LPP: variants seen among roughly 807,000 people sequenced by gnomAD.
LPP encodes the protein LIM domain containing preferred translocation partner in lipoma.
In LPP, 38 loss-of-function variants were observed where a neutral mutation model predicts 60.4. The observed-to-expected ratio is 0.63, with a 90% CI of 0.49 to 0.83. The LOEUF (loss-of-function observed/expected upper bound fraction) is 0.83. Ranked by LOEUF, LPP falls within the 40% of genes least tolerant of loss-of-function variation. LPP has a pLI of 0.00. For synonymous variants in LPP, 328 were observed against 290.8 expected (o/e 1.13, Z -1.30); for missense variants, 902 against 783.6 (o/e 1.15, Z -1.80).
intron 4 of LPP, among the ~76,000 whole-genome samples, chr3:188,444,988 C>G (rs901768414): frequency 2.0e-5 from 3 of 152,174 alleles, no homozygotes; most frequent in Non-Finnish European, 4.4e-5. Context: ...CAGGAAACAA[C>G]AGATGCTGGA....
intron 4 of LPP, among the ~76,000 whole-genome samples, chr3:188,461,219 A>T (rs753671720): frequency 1.3e-5 from 2 of 152,194 alleles, no homozygotes; most frequent in Non-Finnish European, 2.9e-5. Context: ...ACCCCTAAGG[A>T]TATCAAGATG....
intron 7 of LPP, among the ~76,000 whole-genome samples, chr3:188,672,324 A>AAGAAAGTG: frequency 6.6e-6 from 1 of 152,148 alleles, no homozygotes; most frequent in East Asian, 1.9e-4. Flanking sequence ...AAGTTCATGA[A>AAGAAAGTG]AGAAAGTGAA....
chr3:188,696,810 A>T (rs1863338521), intron 7 of LPP, among the ~76,000 whole-genome samples: 1 of 152,132 alleles, frequency 6.6e-6, no homozygotes, highest in Middle Eastern at 3.4e-3. Context: ...TCCTTCATAT[A>T]CCTTGATTTC....
At chr3:188,313,615 T>G (rs1754160213) in intron 2 of LPP, among the ~76,000 whole-genome samples, 1 of 149,298 alleles carries the variant, frequency 6.7e-6, no homozygotes. Context: ...CCAGCCTGGG[T>G]GACAGAGTGA....
chr3:188,556,799 G>A (rs1829590181), intron 6 of LPP, among the ~76,000 whole-genome samples: 1 of 151,542 alleles, frequency 6.6e-6, no homozygotes, highest in Non-Finnish European at 1.5e-5. Context: ...TGAATGCCCT[G>A]GTGATTGATT....
intron 7 of LPP, among the ~76,000 whole-genome samples, chr3:188,683,870 A>G (rs1301940392): frequency 6.6e-6 from 1 of 152,238 alleles, no homozygotes; most frequent in Non-Finnish European, 1.5e-5. Flanking sequence ...CACATTATGC[A>G]TACAATTTAC....
At position 188,706,185 on chromosome 3, in the gene LPP, A is replaced by G. The variant is rs371496369; in HGVS notation, c.1114-2082A>G. Among the ~76,000 whole-genome samples the G allele has an allele frequency of 9.2e-5, 14 of 152,326 alleles. 1 individual carries two copies. Among genetic ancestry groups the G allele is most frequent in the East Asian group, 3.9e-4 (2 of 5,186 alleles). The stretch of plus-strand genomic sequence containing the variant: ...GTTTAACCTTTAATGTTTGCTAATA[A>G]ATAAGTCAGTCAAGGATGAGCTCTT... On this transcript the variant is annotated intron_variant, in intron 7 of 11. Transcript: ENST00000617246.
At chr3:188,863,009 C>A (rs1408885933) in intron 9 of LPP, among the ~76,000 whole-genome samples, 1 of 152,036 alleles carries the variant, frequency 6.6e-6, no homozygotes, top group African/African-American at 2.4e-5. Flanking sequence ...ATGATCCTTA[C>A]AATTTTACCA....
At position 188,154,203 on chromosome 3, in the gene LPP, G is replaced by GCCGCCA; in HGVS notation, c.-234_-233insACCGCC. ...TCCGCCTCCAGCCGCCGCCGCCGCC[G>GCCGCCA]CCGCCGCCGCCACCACCACCGCCGC... On this transcript the variant is annotated 5_prime_UTR_variant, in exon 1 of 12. Transcript: ENST00000617246. 1 of 222,452 alleles carries GCCGCCA rather than the reference G, an allele frequency of 4.5e-6. No homozygotes were observed. The highest frequency in any genetic ancestry group is 8.7e-6 in the Non-Finnish European group (1 of 115,188). The allele number at this position is 222,452 out of a possible 1,614,324, so 13.8% of individuals were successfully genotyped here.
intron 7 of LPP, among the ~76,000 whole-genome samples, chr3:188,686,697 G>A (rs1445833096): frequency 6.6e-6 from 1 of 152,136 alleles, no homozygotes; most frequent in Non-Finnish European, 1.5e-5. Context: ...CCAAGACTAA[G>A]AATCTATGAT....
chr3:188,203,964 A>G (rs2149129310), intron 1 of LPP, among the ~76,000 whole-genome samples: 1 of 152,292 alleles, frequency 6.6e-6, no homozygotes, highest in South Asian at 2.1e-4. Flanking sequence ...TGTTGACTAC[A>G]AAGAGCTACA....
At chr3:188,357,582 A>T (rs1041429261) in intron 3 of LPP, among the ~76,000 whole-genome samples, 2 of 152,224 alleles carry the variant, frequency 1.3e-5, no homozygotes, top group South Asian at 2.1e-4. Flanking sequence ...GAGAGGGTTC[A>T]TCCAAAATCC....
At chr3:188,177,158 C>G (rs1176136953) in intron 1 of LPP, among the ~76,000 whole-genome samples, 1 of 152,182 alleles carries the variant, frequency 6.6e-6, no homozygotes, top group Non-Finnish European at 1.5e-5. Context: ...GAAGGGGTAG[C>G]AGGCCTGGGG....
chr3:188,734,012 G>A (rs1196650696), intron 8 of LPP, among the ~76,000 whole-genome samples: 2 of 151,888 alleles, frequency 1.3e-5, no homozygotes, highest in African/African-American at 2.4e-5. Flanking sequence ...TGTGTGTGTG[G>A]AGTTTGTTTT....
chr3:188,399,178 C>CT (rs1781660923), intron 3 of LPP, among the ~76,000 whole-genome samples: 1 of 152,190 alleles, frequency 6.6e-6, no homozygotes, highest in South Asian at 2.1e-4. Context: ...ATGGCGGAGC[C>CT]AAGACTAGAA....
In LPP at chr3:188,577,268, A is replaced by G. The variant is rs1432930180; in HGVS notation, c.430-31893A>G. Among the ~76,000 whole-genome samples, 4 of 152,320 alleles carry G rather than the reference A, an allele frequency of 2.6e-5. No homozygotes were observed. The East Asian group carries it at 5.8e-4, about 22-fold the overall frequency. The stretch of plus-strand genomic sequence containing the variant: ...TTCTGTTATTTCCCTGACAATAACA[A>G]ATTATTCTCATCTAATTTTCTCTTA... On this transcript the variant is annotated intron_variant, in intron 6 of 11. Transcript: ENST00000617246.
chr3:188,871,829 C>CTA (rs1768173928), intron 10 of LPP, among the ~76,000 whole-genome samples: 1 of 151,992 alleles, frequency 6.6e-6, no homozygotes, highest in African/African-American at 2.4e-5. Flanking sequence ...TTGTTAGGTA[C>CTA]CATTGATCAT....
At chr3:188,826,203 G>A (rs1205500252) in intron 9 of LPP, among the ~76,000 whole-genome samples, 1 of 152,184 alleles carries the variant, frequency 6.6e-6, no homozygotes, top group African/African-American at 2.4e-5. Context: ...AGAAAGAGAA[G>A]CCTACGCTTT....
At chr3:188,321,172 C>G (rs1332735596) in intron 2 of LPP, among the ~76,000 whole-genome samples, 1 of 152,154 alleles carries the variant, frequency 6.6e-6, no homozygotes, top group East Asian at 1.9e-4. Context: ...GAACTTGGCT[C>G]CTTGTTTCCA....
Sources: allele counts gnomAD v4.1 joint callset (sites outside exome capture counted in the v4.1 genomes callset), GRCh38; gene constraint gnomAD v4.1.1; transcripts MANE v1.5; gene names NCBI Gene and HGNC (gene_info 2026-07-23, HGNC 2026-07-21).